GCSH: variants seen among roughly 807,000 people sequenced by gnomAD.
GCSH encodes the protein glycine cleavage system protein H, also known as glycine cleavage system H protein, mitochondrial.
Under a neutral mutation model 21.3 loss-of-function variants are expected in GCSH, and 15 were observed. The observed-to-expected ratio is 0.70, with a 90% CI of 0.47 to 1.08. The LOEUF is 1.08. Among genes scored for constraint, GCSH ranks in the 50% least tolerant of loss-of-function variants. The probability of loss-of-function intolerance (pLI) is 0.00; values close to 1 mark genes in which losing one functional copy is unlikely to be tolerated. For missense variants in GCSH, 179 were observed against 217.5 expected (o/e 0.82, Z 1.11); for synonymous variants, 59 against 84.5 (o/e 0.70, Z 1.66).
intron 1 of GCSH, among the ~76,000 whole-genome samples, chr16:81,093,863 C>A (rs1158988778): frequency 2.6e-5 from 4 of 151,948 alleles, no homozygotes. Flanking sequence ...TCTCCTTTAA[C>A]CCTTGGCCCG....
chr16:81,090,140 G>A (rs1289601460), intron 2 of GCSH, among the ~76,000 whole-genome samples: 1 of 151,002 alleles, frequency 6.6e-6, no homozygotes, highest in East Asian at 2.0e-4. Flanking sequence ...ACCCAGGCTA[G>A]AGTGTAGTGG....
intron 3 of GCSH, 140 bp from the exon 4 acceptor site, chr16:81,084,734 G>C: frequency 3.1e-6 from 2 of 652,172 alleles, no homozygotes; most frequent in Non-Finnish European, 5.2e-6. Flanking sequence ...TTTTGAGATG[G>C]AGTCTCGCTC....
At chr16:81,088,286 A>T (rs1194920845) in intron 2 of GCSH, among the ~76,000 whole-genome samples, 5 of 151,672 alleles carry the variant, frequency 3.3e-5, no homozygotes, top group Admixed American at 3.3e-4. Context: ...AAATGATTTT[A>T]AAAAACTATT....
At chr16:81,087,388 G>A (rs1003779694) in intron 3 of GCSH, among the ~76,000 whole-genome samples, 1 of 151,928 alleles carries the variant, frequency 6.6e-6, no homozygotes, top group Non-Finnish European at 1.5e-5. Flanking sequence ...TGGGCGTGGT[G>A]GCACGTGCCT....
intron 1 of GCSH, among the ~76,000 whole-genome samples, chr16:81,094,860 G>A (rs1181073076): frequency 6.6e-6 from 1 of 152,184 alleles, no homozygotes; most frequent in African/African-American, 2.4e-5. Context: ...ACTTTGGGAG[G>A]CTGAGGCGGG....
At chr16:81,089,078 C>T (rs2151770371) in intron 2 of GCSH, among the ~76,000 whole-genome samples, 1 of 152,338 alleles carries the variant, frequency 6.6e-6, no homozygotes, top group Middle Eastern at 3.4e-3. Context: ...TGATTATCAA[C>T]ACACAAGCAT....
intron 2 of GCSH, among the ~76,000 whole-genome samples, chr16:81,088,711 GC>G (rs1341617631): frequency 2.0e-5 from 3 of 152,122 alleles, no homozygotes; most frequent in Non-Finnish European, 2.9e-5. Context: ...AACACTGCTA[GC>G]TCTTCTGGGC....
At chr16:81,095,392 T>A (rs1972483157) in intron 1 of GCSH, among the ~76,000 whole-genome samples, 1 of 3,976 alleles carries the variant, frequency 2.5e-4, no homozygotes, top group African/African-American at 3.6e-4. Flanking sequence ...TTTTTTTTTT[T>A]TTTTTTTTGA....
rs567440147 is a variant in GCSH, at chr16:81,087,115, G to A, written c.292+486C>T. On this transcript the variant is annotated intron_variant, in intron 3 of 4. Transcript: ENST00000315467. Reference sequence around the variant, plus strand: ...GAGTCTTGCTCTGTTGCCCAGGCTGGAGTACAGTGATGGGATCTCGGCTCA... The same window carrying A: ...GAGTCTTGCTCTGTTGCCCAGGCTGAAGTACAGTGATGGGATCTCGGCTCA... Among the ~76,000 whole-genome samples the A allele has an allele frequency of 1.3e-3, 193 of 152,056 alleles. 1 individual carries two copies. Among genetic ancestry groups the A allele is most frequent in the African/African-American group, 4.5e-3 (186 of 41,484 alleles).
rs1022935904 is a variant in GCSH at position 81,082,713 on chromosome 16, G to A, written c.*153C>T. ...ATCTATAATCATTAGAAAGTTAAAG[G>A]GCATTTTCTTTCATTAGCAGTGTTA... On this transcript the variant is annotated 3_prime_UTR_variant, in exon 5 of 5. Transcript: ENST00000315467. 3.5e-6 allele frequency: 2 copies of A among 574,832 alleles called. No homozygotes were observed. Among genetic ancestry groups the A allele is most frequent in the Admixed American group, 3.4e-5 (1 of 29,000 alleles). The allele number at this position is 574,832 out of a possible 1,614,324, so 35.6% of individuals were successfully genotyped here.
intron 2 of GCSH, among the ~76,000 whole-genome samples, chr16:81,088,629 G>A (rs1189328489): frequency 6.6e-6 from 1 of 152,112 alleles, no homozygotes; most frequent in Non-Finnish European, 1.5e-5. Context: ...TTGAACTTTT[G>A]ACCTCAGATA....
intron 1 of GCSH, 46 bp downstream of exon 1, chr16:81,096,085 G>A (rs978487056): frequency 2.4e-4 from 300 of 1,229,942 alleles, no homozygotes; most frequent in South Asian, 2.0e-3. Flanking sequence ...GGGACAAGCA[G>A]CCCAGGCGGG....
chr16:81,093,579 G>T (rs112404826), intron 1 of GCSH, among the ~76,000 whole-genome samples: 2 of 151,980 alleles, frequency 1.3e-5, no homozygotes, highest in African/African-American at 4.8e-5. Context: ...AGTGGCTCTC[G>T]CCTGTAATCC....
intron 1 of GCSH, among the ~76,000 whole-genome samples, chr16:81,092,035 A>C (rs544830368): frequency 3.2e-4 from 48 of 152,210 alleles, no homozygotes; most frequent in Non-Finnish European, 5.1e-4. Flanking sequence ...ATTTTGCTTC[A>C]TTCCACTTCA....
intron 3 of GCSH, among the ~76,000 whole-genome samples, 186 bp from the exon 4 acceptor site, chr16:81,084,780 C>A (rs921249368): frequency 8.0e-5 from 12 of 149,932 alleles, no homozygotes; most frequent in Non-Finnish European, 1.5e-4. Context: ...CGCAATCTCA[C>A]GTCACTGCAA....
At chr16:81,084,836 C>T (rs368921775) in intron 3 of GCSH, among the ~76,000 whole-genome samples, 2 of 151,632 alleles carry the variant, frequency 1.3e-5, no homozygotes, top group African/African-American at 2.4e-5. Flanking sequence ...CTCAGCCTCC[C>T]GAGTAGCTGG....
At position 81,095,980 on chromosome 16, in the gene GCSH, T is replaced by TC. The variant is rs8177850; in HGVS notation, c.148+150dup. 38,497 of 603,296 alleles carry TC rather than the reference T, an allele frequency of 0.064. 1,444 individuals carry two copies. Among genetic ancestry groups the TC allele is most frequent in the Non-Finnish European group, 0.07 (28,952 of 416,556 alleles). The allele number at this position is 603,296 out of a possible 1,614,324, so 37.4% of individuals were successfully genotyped here. A position where few individuals can be genotyped will look rare whatever the true frequency, so the allele number is the denominator to read the frequency against. On this transcript the variant is annotated intron_variant, in intron 1 of 4. Transcript: ENST00000315467. ...GGAGAAGCGGCCGCAGAGCCAGGGATCCCAACAGAAATAAGAAGGGGGCAG... is the reference window on the plus strand; with the variant it reads ...GGAGAAGCGGCCGCAGAGCCAGGGATCCCCAACAGAAATAAGAAGGGGGCAG...
chr16:81,082,105 A>G lies in GCSH; in HGVS notation c.*761T>C, dbSNP rs1312069118. 1 of 454,134 alleles carries G rather than the reference A, an allele frequency of 2.2e-6. No homozygotes were observed. Among genetic ancestry groups the G allele is most frequent in the Admixed American group, 2.3e-5 (1 of 42,568 alleles). 28.1% of individuals were successfully genotyped at this position (454,134 alleles called of 1,614,324 possible). A position where few individuals can be genotyped will look rare whatever the true frequency, so the allele number is the denominator to read the frequency against. On this transcript the variant is annotated 3_prime_UTR_variant, in exon 5 of 5. Coordinates refer to ENST00000315467, the MANE Select transcript of GCSH (RefSeq NM_004483.5). ...TCTTTCTTCAGACCTCGCATGATAGAAAATCAAAGTTGGTGATTTATTTTT... is the reference window on the plus strand; with the variant it reads ...TCTTTCTTCAGACCTCGCATGATAGGAAATCAAAGTTGGTGATTTATTTTT...
chr16:81,089,124 C>T (rs1401558811), intron 2 of GCSH, among the ~76,000 whole-genome samples: 2 of 152,168 alleles, frequency 1.3e-5, no homozygotes, highest in African/African-American at 2.4e-5. Context: ...AGTCACGTGC[C>T]GCCTAATGGC....
Sources: allele counts gnomAD v4.1 joint callset (sites outside exome capture counted in the v4.1 genomes callset), GRCh38; gene constraint gnomAD v4.1.1; transcripts MANE v1.5; gene names NCBI Gene and HGNC (gene_info 2026-07-23, HGNC 2026-07-21).